The following CSMD1 variants were observed in gnomAD, a reference collection of about 807,000 sequenced individuals.
CSMD1 encodes CUB and sushi domain-containing protein 1.
In CSMD1, 213 loss-of-function variants were observed where a neutral mutation model predicts 417.5. The ratio of observed to expected loss-of-function variants is 0.51; its 90% CI spans 0.46 to 0.57. The LOEUF (loss-of-function observed/expected upper bound fraction) is 0.57. Ranked by LOEUF, CSMD1 falls within the 20% of genes least tolerant of loss-of-function variation. CSMD1 has a pLI of 0.00. For missense variants in CSMD1, 6,923 were observed against 4,529.7 expected (o/e 1.53, Z -15.17); for synonymous variants, 2,862 against 1,736.8 (o/e 1.65, Z -16.11).
At chr8:4,833,978 G>C (rs1008369526) in intron 1 of CSMD1, among the ~76,000 whole-genome samples, 2 of 152,128 alleles carry the variant, frequency 1.3e-5, no homozygotes, top group African/African-American at 2.4e-5. Context: ...ACCTTGAAGA[G>C]TCTCTCACAG....
intron 3 of CSMD1, among the ~76,000 whole-genome samples, chr8:4,373,178 T>C (rs1025857375): frequency 6.6e-5 from 10 of 152,170 alleles, no homozygotes; most frequent in Non-Finnish European, 1.3e-4. Flanking sequence ...CCTTGACCGG[T>C]GCTGCTCCAA....
At chr8:4,755,405 T>C (rs1811604268) in intron 1 of CSMD1, among the ~76,000 whole-genome samples, 1 of 152,236 alleles carries the variant, frequency 6.6e-6, no homozygotes, top group Non-Finnish European at 1.5e-5. Flanking sequence ...AAATACTTGG[T>C]TCTGATGACT....
At chr8:3,608,232 C>T (rs777787842) in intron 8 of CSMD1, among the ~76,000 whole-genome samples, 1 of 151,242 alleles carries the variant, frequency 6.6e-6, no homozygotes, top group Non-Finnish European at 1.5e-5. Context: ...TGGGCAGGTG[C>T]CACCTGCAGA....
Position 4,627,907 on chromosome 8 carries a change from G to C in CSMD1, c.302+9435C>G, listed in dbSNP as rs138591189. ...TGGCAGACACTTCTTTGTCATGTGA[G>C]ATATCCTGTCCACTGCAGGACGATG... On this transcript the variant is annotated intron_variant, in intron 2 of 69. Coordinates refer to ENST00000635120, the MANE Select transcript of CSMD1 (RefSeq NM_033225.6). Among the ~76,000 whole-genome samples the C allele has an allele frequency of 2.2e-3, 334 of 152,144 alleles. 2 individuals carry two copies. The highest frequency in any genetic ancestry group is 7.9e-3 in the African/African-American group (327 of 41,506).
chr8:4,736,823 G>A (rs573873274), intron 1 of CSMD1, among the ~76,000 whole-genome samples: 2 of 152,286 alleles, frequency 1.3e-5, no homozygotes, highest in East Asian at 1.9e-4. Context: ...CCACTGTGCT[G>A]TCTGATTTGT....
intron 3 of CSMD1, among the ~76,000 whole-genome samples, chr8:4,377,261 A>G (rs1052228374): frequency 6.6e-6 from 1 of 152,180 alleles, no homozygotes; most frequent in African/African-American, 2.4e-5. Flanking sequence ...CAAAGCAACT[A>G]TCACCCCTGG....
chr8:3,823,941 T>C (rs1344778841), intron 5 of CSMD1, among the ~76,000 whole-genome samples: 1 of 152,228 alleles, frequency 6.6e-6, no homozygotes, highest in Non-Finnish European at 1.5e-5. Context: ...CTGGTAATTT[T>C]ATACAAACAG....
chr8:3,576,829 C>G (rs898151069), intron 9 of CSMD1, among the ~76,000 whole-genome samples: 1 of 152,108 alleles, frequency 6.6e-6, no homozygotes, highest in Non-Finnish European at 1.5e-5. Context: ...TAGCATTATC[C>G]AACTAGAAAA....
chr8:3,146,560 A>C (rs1031047636), intron 40 of CSMD1, among the ~76,000 whole-genome samples: 1 of 152,160 alleles, frequency 6.6e-6, no homozygotes, highest in African/African-American at 2.4e-5. Context: ...TAAGATTTCT[A>C]CTCAGCTAAA....
intron 5 of CSMD1, among the ~76,000 whole-genome samples, chr8:3,963,266 G>C (rs1002663037): frequency 2.0e-5 from 3 of 152,082 alleles, no homozygotes; most frequent in African/African-American, 7.2e-5. Context: ...TAATAATTAC[G>C]AGTTTGAGGA....
At chr8:3,361,651 C>CAAAAAAAAAAAAAAAAAAAAAAAAAA (rs765648287) in intron 20 of CSMD1, among the ~76,000 whole-genome samples, 1 of 79,212 alleles carries the variant, frequency 1.3e-5, no homozygotes, top group Non-Finnish European at 2.2e-5. Flanking sequence ...GATTCCATCT[C>CAAAAAAAAAAAAAAAAAAAAAAAAAA]AAAAAAAAAA....
intron 2 of CSMD1, among the ~76,000 whole-genome samples, chr8:4,555,599 C>G (rs1445159795): frequency 1.3e-5 from 2 of 152,156 alleles, no homozygotes; most frequent in Non-Finnish European, 2.9e-5. Flanking sequence ...TGGGTTTCAG[C>G]AGCTTATATC....
At chr8:3,182,872 G>GTGTGTC (rs1821473317) in intron 36 of CSMD1, 1 of 136,782 alleles carries the variant, frequency 7.3e-6, no homozygotes, top group Non-Finnish European at 1.6e-5. Flanking sequence ...GTGTGTGTGT[G>GTGTGTC]TGTGTGTGTG....
At chr8:3,546,847 G>A (rs1473298712) in intron 10 of CSMD1, among the ~76,000 whole-genome samples, 2 of 152,164 alleles carry the variant, frequency 1.3e-5, no homozygotes, top group South Asian at 2.1e-4. Context: ...TGAAATGAAA[G>A]GGAAGGTGAA....
chr8:4,762,369 C>T (rs142117185), intron 1 of CSMD1, among the ~76,000 whole-genome samples: 47 of 152,114 alleles, frequency 3.1e-4, no homozygotes, highest in Admixed American at 1.4e-3. Context: ...TACTGCTATA[C>T]ATTTAATAAA....
Position 3,439,154 on chromosome 8 carries a change from C to CAAAAAAAAAA in CSMD1, c.1562-29550_1562-29549insTTTTTTTTTT, listed in dbSNP as rs1563390150. On this transcript the variant is annotated intron_variant, in intron 12 of 69. Coordinates refer to ENST00000635120, the MANE Select transcript of CSMD1 (RefSeq NM_033225.6). ...AAAAAAAAAAAAAAAAAAAAAAAAC[C>CAAAAAAAAAA]AAGAAAAAAAAAAGAAAAAGAAAAA... is the stretch of plus-strand genomic sequence containing the variant. Among the ~76,000 whole-genome samples the CAAAAAAAAAA allele has an allele frequency of 6.6e-3, 174 of 26,528 alleles. 14 individuals are homozygous for CAAAAAAAAAA. Among genetic ancestry groups the CAAAAAAAAAA allele is most frequent in the African/African-American group, 0.014 (79 of 5,682 alleles). The allele number at this position is 26,528 out of a possible 152,430, so 17.4% of individuals were successfully genotyped here. A position where few individuals can be genotyped will look rare whatever the true frequency, so the allele number is the denominator to read the frequency against.
At chr8:4,689,882 C>T (rs138246288) in intron 1 of CSMD1, among the ~76,000 whole-genome samples, 395 of 152,222 alleles carry the variant, frequency 2.6e-3, no homozygotes, top group African/African-American at 9.2e-3. Flanking sequence ...ATTAAAACTA[C>T]TATGGAGGTA....
chr8:3,743,580 G>A (rs989425687), intron 6 of CSMD1, among the ~76,000 whole-genome samples: 12 of 152,100 alleles, frequency 7.9e-5, no homozygotes, highest in Non-Finnish European at 1.0e-4. Context: ...AACTCATTAC[G>A]CCGAAGGGAA....
intron 2 of CSMD1, among the ~76,000 whole-genome samples, chr8:4,555,466 C>T (rs964097977): frequency 3.9e-5 from 6 of 152,006 alleles, no homozygotes; most frequent in Non-Finnish European, 8.8e-5. Context: ...AATCAGGGGG[C>T]GATTCTGAAA....
Sources: allele counts gnomAD v4.1 joint callset (sites outside exome capture counted in the v4.1 genomes callset), GRCh38; gene constraint gnomAD v4.1.1; transcripts MANE v1.5; gene names NCBI Gene and HGNC (gene_info 2026-07-23, HGNC 2026-07-21).